The following ATG7 variants were observed in gnomAD, a reference collection of about 807,000 sequenced individuals.
ATG7 encodes autophagy related 7.
Under a neutral mutation model 82.4 loss-of-function variants are expected in ATG7, and 70 were observed. The observed-to-expected ratio is 0.85, with a 90% CI of 0.70 to 1.04. The LOEUF is 1.04. ATG7 is among the 50% of genes least tolerant of loss of function. The pLI is 0.00. For missense variants in ATG7, 792 were observed against 864.3 expected, an observed-to-expected ratio of 0.92 and a Z score of 1.05; for synonymous variants, 287 against 313.0, an observed-to-expected ratio of 0.92 and a Z score of 0.88.
intron 19 of ATG7, among the ~76,000 whole-genome samples, chr3:11,406,140 T>A (rs1204766319): frequency 6.6e-6 from 1 of 151,886 alleles, no homozygotes; most frequent in African/African-American, 2.4e-5. Context: ...TAGGCGCACA[T>A]CCCCACGCCT....
chr3:11,279,172 T>C (rs892843923), intron 1 of ATG7, among the ~76,000 whole-genome samples: 4 of 152,176 alleles, frequency 2.6e-5, no homozygotes, highest in Non-Finnish European at 5.9e-5. Context: ...GTTTAGAAGT[T>C]TGTGGAGCTG....
chr3:11,451,758 T>TA (rs2085155340), intron 20 of ATG7, among the ~76,000 whole-genome samples: 1 of 145,764 alleles, frequency 6.9e-6, no homozygotes, highest in Non-Finnish European at 1.5e-5. Context: ...ATAGAAAATA[T>TA]TACGTGTATA....
At chr3:11,545,998 T>G (rs912297925) in intron 20 of ATG7, among the ~76,000 whole-genome samples, 1 of 151,852 alleles carries the variant, frequency 6.6e-6, no homozygotes, top group Admixed American at 6.6e-5. Flanking sequence ...ATTAGCTGGT[T>G]GTGGTGGCAT....
At chr3:11,568,557 G>T in the ATG7 span, 12 of 1,551,922 alleles carry the variant, frequency 7.7e-6, no homozygotes, top group African/African-American at 1.4e-5. The surrounding 1 kb of genome is among the most constrained non-coding windows in gnomAD (Gnocchi z 5.9). Context: ...GCGAGAAAAG[G>T]CCTGGAGAAC....
intron 20 of ATG7, among the ~76,000 whole-genome samples, chr3:11,492,959 T>TATC (rs949614893): frequency 1.3e-5 from 2 of 152,250 alleles, no homozygotes; most frequent in Admixed American, 6.5e-5. Context: ...AGCAGCGTGT[T>TATC]ATCAGCTTAG....
chr3:11,407,333 C>T (rs2080439399), intron 19 of ATG7, among the ~76,000 whole-genome samples: 1 of 152,260 alleles, frequency 6.6e-6, no homozygotes, highest in African/African-American at 2.4e-5. Flanking sequence ...TCTTGGGCAG[C>T]TCTGCCCCTG....
At chr3:11,505,987 G>A (rs948834584) in intron 20 of ATG7, among the ~76,000 whole-genome samples, 5 of 152,144 alleles carry the variant, frequency 3.3e-5, no homozygotes, top group African/African-American at 7.2e-5. Context: ...CAGTCACAGG[G>A]GCATTATGAG....
intron 18 of ATG7, among the ~76,000 whole-genome samples, chr3:11,370,778 A>G (rs117243967): frequency 6.6e-6 from 1 of 151,292 alleles, no homozygotes; most frequent in Non-Finnish European, 1.5e-5. Context: ...CCAACTGGGC[A>G]TAATTGACTA....
intron 20 of ATG7, among the ~76,000 whole-genome samples, chr3:11,514,498 G>A (rs1385270063): frequency 6.6e-6 from 1 of 152,228 alleles, no homozygotes; most frequent in African/African-American, 2.4e-5. Flanking sequence ...TCCTGTTCCA[G>A]GAAATACCGC....
At chr3:11,322,145 G>A (rs1274342880) in intron 9 of ATG7, among the ~76,000 whole-genome samples, 1 of 152,170 alleles carries the variant, frequency 6.6e-6, no homozygotes, top group Non-Finnish European at 1.5e-5. Flanking sequence ...GCTTAATGCT[G>A]GAGTTCTTTG....
chr3:11,449,635 G>A (rs915575935), intron 20 of ATG7, among the ~76,000 whole-genome samples: 3 of 152,118 alleles, frequency 2.0e-5, no homozygotes, highest in African/African-American at 4.8e-5. Flanking sequence ...TCAGATGAAC[G>A]CTTGGCATAA....
intron 18 of ATG7, among the ~76,000 whole-genome samples, chr3:11,375,197 G>A (rs1381764506): frequency 6.6e-6 from 1 of 152,130 alleles, no homozygotes; most frequent in Non-Finnish European, 1.5e-5. Flanking sequence ...AACAGAGCAA[G>A]ACACTCTATC....
intron 14 of ATG7, among the ~76,000 whole-genome samples, chr3:11,351,640 C>T (rs570979227): frequency 2.0e-5 from 3 of 152,340 alleles, no homozygotes; most frequent in African/African-American, 7.2e-5. Context: ...ACTCTGTTTT[C>T]CCTGTTGGAC....
At chr3:11,309,498 C>T (rs1448511065) in intron 7 of ATG7, among the ~76,000 whole-genome samples, 3 of 150,472 alleles carry the variant, frequency 2.0e-5, no homozygotes, top group Admixed American at 1.3e-4. Flanking sequence ...TTTCTGTAAG[C>T]GAAATCTAAT....
chr3:11,340,695 C>G lies in ATG7; in HGVS notation c.940C>G (p.Pro314Ala). Residue 314 changes from proline (P) to alanine (A), a missense_variant, in exon 12 of 21, where the codon CCA (proline) becomes GCA (alanine). By Grantham distance (27) the Pro-to-Ala change is conservative. Coordinates refer to ENST00000693202, the MANE Select transcript of ATG7 (RefSeq NM_001349232.2). ...AAAGAACCAGAAAGGAGGCATGGGA[C>G]CAAGGATGGTGAACCTCAGTGAATG... ...WEKNQKGGMG[P>A]RMVNLSECMD... 1 of 1,613,810 alleles carries G rather than the reference C, an allele frequency of 6.2e-7. No homozygotes were observed. The highest frequency in any genetic ancestry group is 2.2e-5 in the East Asian group (1 of 44,858).
rs531602317 is a variant in ATG7 at position 11,465,222 on chromosome 3, C to T, written c.2079+38296C>T. 2.6e-5 allele frequency among the ~76,000 whole-genome samples: 4 copies of T among 151,804 alleles called. No individual in the cohort carries two copies. In the East Asian group the frequency reaches 5.8e-4, roughly 22 times the overall value. On this transcript the variant is annotated intron_variant, in intron 20 of 20. Transcript: ENST00000693202. Reference sequence around the variant, plus strand: ...CTGTAATCCCAGCACTTTGGGAGGCCGAGGCGTGTGGATCCAGATCGAGAC... The same window carrying T: ...CTGTAATCCCAGCACTTTGGGAGGCTGAGGCGTGTGGATCCAGATCGAGAC...
intron 14 of ATG7, among the ~76,000 whole-genome samples, chr3:11,349,864 A>G (rs1297760426): frequency 1.3e-5 from 2 of 152,232 alleles, no homozygotes; most frequent in African/African-American, 4.8e-5. Context: ...TTTTTGAGTT[A>G]TATCATTAGA....
At chr3:11,272,798 T>C (rs2152604482) in intron 1 of ATG7, 1 of 152,370 alleles carries the variant, frequency 6.6e-6, no homozygotes, top group African/African-American at 2.4e-5. Context: ...TTGCTGTCTC[T>C]GGCACGTTCC....
chr3:11,354,518 G>A (rs546495934), intron 14 of ATG7, among the ~76,000 whole-genome samples: 46 of 151,630 alleles, frequency 3.0e-4, no homozygotes, highest in Non-Finnish European at 3.4e-4. Flanking sequence ...GCGTGGTGGC[G>A]CACACCTGTA....
Sources: gnomAD v4.1 joint callset for allele counts (sites outside exome capture counted in the v4.1 genomes callset) on GRCh38, gnomAD v4.1.1 for gene constraint, Gnocchi (gnomAD v3.1) non-coding constraint, MANE v1.5 for transcripts, NCBI Gene and HGNC (gene_info 2026-07-23, HGNC 2026-07-21) for gene names.